Variants in CREB3L2 observed in about 807,000 individuals in gnomAD.
CREB3L2 encodes cyclic AMP-responsive element-binding protein 3-like protein 2.
A neutral mutation model predicts 57.2 loss-of-function variants in CREB3L2; 23 were observed. The ratio of observed to expected loss-of-function variants is 0.40; its 90% CI spans 0.29 to 0.57. The LOEUF (loss-of-function observed/expected upper bound fraction) is 0.57. Ranked by LOEUF, CREB3L2 falls within the 20% of genes least tolerant of loss-of-function variation. CREB3L2 has a pLI of 0.42. For missense variants in CREB3L2, 628 were observed against 634.7 expected, an observed-to-expected ratio of 0.99 and a Z score of 0.11; for synonymous variants, 268 against 265.1, an observed-to-expected ratio of 1.01 and a Z score of -0.11.
chr7:137,937,664 A>T (rs575051078), intron 1 of CREB3L2, among the ~76,000 whole-genome samples: 1 of 152,310 alleles, frequency 6.6e-6, no homozygotes. Context: ...TTTAATTTTT[A>T]AAAAATGGGG....
In CREB3L2 at chr7:137,904,037, G is replaced by A. The variant is rs750667816; in HGVS notation, c.916-20C>T. On this transcript the variant is annotated intron_variant, in intron 6 of 11. Coordinates refer to ENST00000330387, the MANE Select transcript of CREB3L2 (RefSeq NM_194071.4). The stretch of plus-strand genomic sequence containing the variant: ...AGAAATCTGAGAGAGAGGAGTGGGA[G>A]GAGAATGATTAATTTCCAGCTCTGT... The A allele has an allele frequency of 1.3e-6, 2 of 1,596,638 alleles. No individual in the cohort carries two copies. Among genetic ancestry groups the A allele is most frequent in the African/African-American group, 1.3e-5 (1 of 74,582 alleles).
chr7:137,972,684 C>CAAAA (rs58627909), intron 1 of CREB3L2, among the ~76,000 whole-genome samples: 184 of 9,470 alleles, frequency 0.019, 25 homozygotes, highest in Non-Finnish European at 0.024. Context: ...CCCGTCTCTA[C>CAAAA]AAAAAAAAAA....
At chr7:137,920,663 C>T (rs925853321) in intron 2 of CREB3L2, among the ~76,000 whole-genome samples, 1 of 152,206 alleles carries the variant, frequency 6.6e-6, no homozygotes, top group Non-Finnish European at 1.5e-5. Context: ...CAAAATAATT[C>T]TCTAAACCAT....
intron 1 of CREB3L2, among the ~76,000 whole-genome samples, chr7:137,954,758 G>C (rs971144617): frequency 4.6e-5 from 7 of 152,310 alleles, no homozygotes; most frequent in African/African-American, 1.7e-4. Flanking sequence ...ATGGAGGCTA[G>C]AAAGTAGGAA....
intron 1 of CREB3L2, among the ~76,000 whole-genome samples, chr7:137,969,962 C>T (rs1801479793): frequency 1.3e-5 from 2 of 152,246 alleles, no homozygotes; most frequent in Non-Finnish European, 2.9e-5. Flanking sequence ...ATAGGCACAA[C>T]CTAAGAAACA....
chr7:137,959,800 C>T (rs537060215), intron 1 of CREB3L2, among the ~76,000 whole-genome samples: 9 of 152,226 alleles, frequency 5.9e-5, no homozygotes, highest in Admixed American at 3.3e-4. Flanking sequence ...TGCCATCCGG[C>T]GAGGAAAGTA....
At chr7:137,902,446 A>T (rs1799783780) in intron 7 of CREB3L2, among the ~76,000 whole-genome samples, 1 of 152,168 alleles carries the variant, frequency 6.6e-6, no homozygotes, top group African/African-American at 2.4e-5. Context: ...AGAGCCCAGG[A>T]CTAGGAATCC....
chr7:137,885,603 C>T, intron 8 of CREB3L2, 101 bp from the exon 9 acceptor site: 1 of 858,656 alleles, frequency 1.2e-6, no homozygotes, highest in South Asian at 1.4e-5. Context: ...TTTGTGCCTG[C>T]ATTTCAACAG....
chr7:137,914,434 C>G (rs1800082603), intron 3 of CREB3L2, among the ~76,000 whole-genome samples: 1 of 152,060 alleles, frequency 6.6e-6, no homozygotes, highest in Non-Finnish European at 1.5e-5. Flanking sequence ...GAGTTCGAGA[C>G]CAGCGTGGCC....
intron 1 of CREB3L2, among the ~76,000 whole-genome samples, chr7:137,966,976 C>A (rs1270170242): frequency 6.6e-6 from 1 of 152,202 alleles, no homozygotes; most frequent in Non-Finnish European, 1.5e-5. Flanking sequence ...GGGAGGTTTA[C>A]ATGACGTCAT....
At chr7:137,890,482 A>T (rs1462894277) in intron 8 of CREB3L2, among the ~76,000 whole-genome samples, 3 of 152,230 alleles carry the variant, frequency 2.0e-5, no homozygotes, top group African/African-American at 7.2e-5. Context: ...AAGACACCTG[A>T]GTTTCAATCA....
In CREB3L2 at chr7:137,980,369, G is replaced by A. The variant is rs1161144013; in HGVS notation, c.102+21235C>T. 6.6e-6 allele frequency among the ~76,000 whole-genome samples: 1 copy of A among 152,216 alleles called. No individual in the cohort carries two copies. The highest frequency in any genetic ancestry group is 1.5e-5 in the Non-Finnish European group (1 of 68,044). ...GCCAAGACTGAGACTCTTTGCTCTA[G>A]ACCGTGGGGATGGGCAGAGCAGGAG... On this transcript the variant is annotated intron_variant, in intron 1 of 11. Transcript: ENST00000330387. The surrounding 1 kb of genome is among the most constrained non-coding windows in gnomAD (Gnocchi z 4.3).
intron 11 of CREB3L2, 152 bp downstream of exon 11, chr7:137,882,260 T>A (rs1799308939): frequency 1.8e-6 from 1 of 559,106 alleles, no homozygotes; most frequent in South Asian, 3.1e-5. Flanking sequence ...AGCAACAGAC[T>A]CTCTGCAGTC....
chr7:137,919,074 G>A (rs1310138474), intron 2 of CREB3L2, among the ~76,000 whole-genome samples: 7 of 152,104 alleles, frequency 4.6e-5, no homozygotes, highest in Non-Finnish European at 5.9e-5. Flanking sequence ...AACAACAGGC[G>A]CTGCTTTCAT....
rs576157322 is a variant in CREB3L2, at chr7:137,978,036, C to T, written c.102+23568G>A. Among the ~76,000 whole-genome samples, 4 of 152,176 alleles carry T rather than the reference C, an allele frequency of 2.6e-5. No homozygotes were observed. The South Asian group carries it at 8.3e-4, about 32-fold the overall frequency. On this transcript the variant is annotated intron_variant, in intron 1 of 11. Coordinates refer to ENST00000330387, the MANE Select transcript of CREB3L2 (RefSeq NM_194071.4). ...TTCAAACTTGATGCCTTACAATTAG[C>T]CTTTTCTGAAGAGATTCCTCACAAT...
chr7:137,986,826 AAC>A (rs1234057240), intron 1 of CREB3L2, among the ~76,000 whole-genome samples: 2 of 152,264 alleles, frequency 1.3e-5, no homozygotes, highest in East Asian at 3.9e-4. Context: ...TCAGCTTGTA[AAC>A]ACAGCTGAGA....
chr7:137,903,014 T>C (rs940630376), intron 7 of CREB3L2, among the ~76,000 whole-genome samples: 22 of 152,110 alleles, frequency 1.4e-4, no homozygotes, highest in African/African-American at 5.1e-4. Context: ...GGTCTGGCTA[T>C]GTTGCCCAGG....
intron 5 of CREB3L2, among the ~76,000 whole-genome samples, chr7:137,907,809 G>C (rs1480381635): frequency 2.0e-5 from 3 of 152,134 alleles, no homozygotes; most frequent in African/African-American, 7.2e-5. Flanking sequence ...AACTGTTTTT[G>C]ACCTTTAGGC....
chr7:137,908,518 G>A, intron 4 of CREB3L2, 82 bp from the exon 5 acceptor site: 1 of 1,028,682 alleles, frequency 9.7e-7, no homozygotes, highest in Non-Finnish European at 1.3e-6. Context: ...AAACTAAAGT[G>A]TGAGGGGCCT....
Sources: allele counts gnomAD v4.1 joint callset (sites outside exome capture counted in the v4.1 genomes callset), GRCh38; gene constraint gnomAD v4.1.1; non-coding constraint Gnocchi (gnomAD v3.1); transcripts MANE v1.5; gene names NCBI Gene and HGNC (gene_info 2026-07-23, HGNC 2026-07-21).